Variants in FGF12 observed in about 807,000 individuals in gnomAD.
FGF12 encodes fibroblast growth factor 12B.
FGF12 carries 14 observed loss-of-function variants against 23.6 expected under a neutral mutation model. The ratio of observed to expected loss-of-function variants is 0.59; its 90% CI spans 0.39 to 0.93. The LOEUF (loss-of-function observed/expected upper bound fraction) is 0.93. Among genes scored for constraint, FGF12 ranks in the 40% least tolerant of loss-of-function variants. The pLI is 0.00. For synonymous variants in FGF12, 62 were observed against 77.3 expected, an observed-to-expected ratio of 0.80 and a Z score of 1.04; for missense variants, 175 against 217.8, an observed-to-expected ratio of 0.80 and a Z score of 1.24.
At chr3:192,647,013 T>C (rs932547465) in intron 2 of FGF12, among the ~76,000 whole-genome samples, 1 of 152,150 alleles carries the variant, frequency 6.6e-6, no homozygotes, top group South Asian at 2.1e-4. Flanking sequence ...TGAAAACCGA[T>C]ATTGTCTTCA....
chr3:192,197,878 G>A (rs1034410809), intron 4 of FGF12, among the ~76,000 whole-genome samples: 5 of 149,804 alleles, frequency 3.3e-5, no homozygotes, highest in Admixed American at 1.3e-4. Context: ...CCCAGGGGAC[G>A]GAGGTTGCAG....
chr3:192,422,791 G>T (rs1466510643), intron 2 of FGF12, among the ~76,000 whole-genome samples: 1 of 152,154 alleles, frequency 6.6e-6, no homozygotes, highest in East Asian at 1.9e-4. Context: ...AGCAAGTTTG[G>T]GTTCAGCCTC....
At chr3:192,546,829 C>T (rs936136988) in intron 2 of FGF12, among the ~76,000 whole-genome samples, 8 of 152,144 alleles carry the variant, frequency 5.3e-5, no homozygotes, top group African/African-American at 1.9e-4. Context: ...GTGGGCAGAG[C>T]CCTTGAGCCC....
At chr3:192,166,867 T>G (rs1715189556) in intron 5 of FGF12, among the ~76,000 whole-genome samples, 1 of 152,116 alleles carries the variant, frequency 6.6e-6, no homozygotes, top group Non-Finnish European at 1.5e-5. Flanking sequence ...TATCATCATA[T>G]TCTATATGCT....
intron 3 of FGF12, among the ~76,000 whole-genome samples, chr3:192,341,582 T>C (rs1441736359): frequency 6.6e-6 from 1 of 152,166 alleles, no homozygotes; most frequent in African/African-American, 2.4e-5. Flanking sequence ...ATTATATTTA[T>C]TTTTTCGAGG....
At chr3:192,302,139 C>T (rs9844304) in intron 4 of FGF12, among the ~76,000 whole-genome samples, 3,256 of 152,218 alleles carry the variant, frequency 0.021, 114 homozygotes, top group African/African-American at 0.074. Flanking sequence ...TCTAACAGAA[C>T]GCCTGCTAGG....
At chr3:192,270,655 A>C (rs1386981736) in intron 4 of FGF12, among the ~76,000 whole-genome samples, 1 of 152,148 alleles carries the variant, frequency 6.6e-6, no homozygotes, top group East Asian at 1.9e-4. Context: ...GGTAAACTAA[A>C]ATGACAAATA....
chr3:192,258,576 T>C (rs1712553359), intron 4 of FGF12, among the ~76,000 whole-genome samples: 1 of 152,190 alleles, frequency 6.6e-6, no homozygotes, highest in African/African-American at 2.4e-5. Context: ...TTCTTTAAAA[T>C]TGGAGAAGGT....
chr3:192,490,970 C>T (rs1723785843), intron 2 of FGF12, among the ~76,000 whole-genome samples: 1 of 152,096 alleles, frequency 6.6e-6, no homozygotes, highest in South Asian at 2.1e-4. Context: ...TGGTTGTGTT[C>T]ACTCTGTGAA....
At chr3:192,442,582 CAT>C (rs1044242774) in intron 2 of FGF12, among the ~76,000 whole-genome samples, 58 of 152,270 alleles carry the variant, frequency 3.8e-4, no homozygotes, top group Middle Eastern at 3.4e-3. Context: ...AGATTACACA[CAT>C]GTTTTTCTTT....
At chr3:192,418,352 C>T (rs965843322) in intron 2 of FGF12, among the ~76,000 whole-genome samples, 3 of 152,208 alleles carry the variant, frequency 2.0e-5, no homozygotes, top group African/African-American at 4.8e-5. Flanking sequence ...ACAAGACACT[C>T]GTTCAACACA....
chr3:192,588,546 A>C (rs1713488124), intron 2 of FGF12, among the ~76,000 whole-genome samples: 2 of 151,884 alleles, frequency 1.3e-5, no homozygotes, highest in Admixed American at 1.3e-4. Context: ...GTTAGGAACA[A>C]GAAAGAAGTT....
intron 2 of FGF12, among the ~76,000 whole-genome samples, chr3:192,370,252 A>G (rs997423162): frequency 2.6e-5 from 4 of 152,240 alleles, no homozygotes; most frequent in African/African-American, 9.6e-5. Context: ...TATCAGTAAA[A>G]TATTTTAAAT....
chr3:192,462,883 C>T (rs78977386), intron 2 of FGF12, among the ~76,000 whole-genome samples: 1,827 of 152,214 alleles, frequency 0.012, 15 homozygotes, highest in Admixed American at 0.019. Flanking sequence ...AAGAGAAGCA[C>T]TCTGTAGAAG....
intron 2 of FGF12, among the ~76,000 whole-genome samples, chr3:192,474,480 G>A (rs1723261414): frequency 6.6e-6 from 1 of 152,178 alleles, no homozygotes; most frequent in Admixed American, 6.5e-5. Flanking sequence ...CATAATCTAG[G>A]ATGATAGAGT....
At chr3:192,181,607 T>C (rs367925962) in intron 4 of FGF12, among the ~76,000 whole-genome samples, 3 of 151,854 alleles carry the variant, frequency 2.0e-5, no homozygotes, top group African/African-American at 7.3e-5. Flanking sequence ...CGCCTAGATG[T>C]TAAAATTAAG....
intron 2 of FGF12, among the ~76,000 whole-genome samples, chr3:192,609,651 G>A (rs865907111): frequency 6.6e-6 from 1 of 151,930 alleles, no homozygotes; most frequent in South Asian, 2.1e-4. Context: ...CAAGCTGCTG[G>A]GAGCCAAGAA....
At chr3:192,556,637 A>G (rs2108590590) in intron 2 of FGF12, among the ~76,000 whole-genome samples, 1 of 152,314 alleles carries the variant, frequency 6.6e-6, no homozygotes, top group Non-Finnish European at 1.5e-5. Context: ...CAATAAGGAA[A>G]TAGGAGCTGA....
At chr3:192,411,888 G>C (rs958212) in intron 2 of FGF12, among the ~76,000 whole-genome samples, 1 of 152,296 alleles carries the variant, frequency 6.6e-6, no homozygotes, top group East Asian at 1.9e-4. Context: ...CTACCTCGCA[G>C]AAGTGAATAT....
Sources: gnomAD v4.1 joint callset for allele counts (sites outside exome capture counted in the v4.1 genomes callset) on GRCh38, gnomAD v4.1.1 for gene constraint, MANE v1.5 for transcripts, NCBI Gene and HGNC (gene_info 2026-07-23, HGNC 2026-07-21) for gene names.